The following PLAC8L1 variants were observed in gnomAD, a reference collection of about 807,000 sequenced individuals.
The protein encoded by PLAC8L1 is PLAC8-like protein 1.
A neutral mutation model predicts 16.3 loss-of-function variants in PLAC8L1; 13 were observed. The ratio of observed to expected loss-of-function variants is 0.80; its 90% CI spans 0.52 to 1.27. The LOEUF (loss-of-function observed/expected upper bound fraction) is 1.27, where lower values mean the gene tolerates loss of function less well. Among genes scored for constraint, PLAC8L1 ranks in the 50% most tolerant of loss-of-function variants. PLAC8L1 has a pLI of 0.00. For synonymous variants in PLAC8L1, 78 were observed against 79.3 expected (o/e 0.98, Z 0.09); for missense variants, 184 against 220.2 (o/e 0.84, Z 1.04).
intron 2 of PLAC8L1, among the ~76,000 whole-genome samples, chr5:146,096,910 A>C (rs1296124593): frequency 6.6e-6 from 1 of 152,226 alleles, no homozygotes; most frequent in East Asian, 1.9e-4. Flanking sequence ...GAGACTTGCC[A>C]AACTATGGGT....
At chr5:146,087,468 AT>A (rs1763536258) in intron 2 of PLAC8L1, among the ~76,000 whole-genome samples, 1 of 152,200 alleles carries the variant, frequency 6.6e-6, no homozygotes, top group Admixed American at 6.5e-5. Flanking sequence ...TATTTGTACC[AT>A]TTTAAACTCC....
intron 2 of PLAC8L1, among the ~76,000 whole-genome samples, chr5:146,095,934 T>C (rs904399528): frequency 6.6e-6 from 1 of 152,230 alleles, no homozygotes; most frequent in African/African-American, 2.4e-5. Flanking sequence ...CCGGGAGCTA[T>C]CCCATGGCCT....
chr5:146,099,846 C>T (rs1281101947), intron 1 of PLAC8L1, among the ~76,000 whole-genome samples: 1 of 152,070 alleles, frequency 6.6e-6, no homozygotes, highest in Non-Finnish European at 1.5e-5. Flanking sequence ...AATGGAATTT[C>T]ATGGTATTAT....
At chr5:146,096,739 C>T (rs796146936) in intron 2 of PLAC8L1, among the ~76,000 whole-genome samples, 12 of 152,272 alleles carry the variant, frequency 7.9e-5, no homozygotes, top group African/African-American at 2.9e-4. Context: ...GGGGCCAGAT[C>T]TGCACATTTG....
chr5:146,100,572 CAA>C (rs1341202337), intron 1 of PLAC8L1, among the ~76,000 whole-genome samples: 5 of 151,856 alleles, frequency 3.3e-5, no homozygotes, highest in Admixed American at 6.6e-5. Context: ...TCTCATTTTG[CAA>C]AAATTCCCAA....
rs1239246637 is a variant in PLAC8L1, at chr5:146,104,362, T to A, written c.-51A>T. The A allele has an allele frequency of 1.4e-6, 2 of 1,422,980 alleles. No homozygotes were observed. The highest frequency in any genetic ancestry group is 2.0e-6 in the Non-Finnish European group (2 of 1,008,532). 88.1% of individuals were successfully genotyped at this position (1,422,980 alleles called of 1,614,324 possible). On this transcript the variant is annotated 5_prime_UTR_variant, in exon 1 of 4. Coordinates refer to ENST00000311450, the MANE Select transcript of PLAC8L1 (RefSeq NM_001029869.3). ...GGGCTATCCTTTTTCCCTTTGGCAA[T>A]AAGCTGGTTTCTAAACTTCGGATTA...
intron 1 of PLAC8L1, among the ~76,000 whole-genome samples, chr5:146,102,040 C>CTTTTTTTTTTTTTT (rs36011275): frequency 4.0e-4 from 52 of 130,504 alleles, no homozygotes; most frequent in Non-Finnish European, 6.3e-4. Context: ...TGTGTTTACC[C>CTTTTTTTTTTTTTT]TTTTTTTTTT....
chr5:146,087,175 A>C (rs1763531311), intron 2 of PLAC8L1, among the ~76,000 whole-genome samples: 1 of 152,170 alleles, frequency 6.6e-6, no homozygotes, highest in South Asian at 2.1e-4. Flanking sequence ...CATGTTTTTG[A>C]TGCATCTATG....
At chr5:146,101,243 T>C (rs576583343) in intron 1 of PLAC8L1, among the ~76,000 whole-genome samples, 5 of 149,276 alleles carry the variant, frequency 3.3e-5, no homozygotes, top group African/African-American at 1.2e-4. Context: ...TAAGAGAAAT[T>C]GCTGTCTCTC....
At chr5:146,097,239 G>A (rs1028571771) in intron 2 of PLAC8L1, among the ~76,000 whole-genome samples, 4 of 152,150 alleles carry the variant, frequency 2.6e-5, no homozygotes, top group Admixed American at 2.0e-4. Flanking sequence ...AATGAGCTTT[G>A]AACTCTAAGC....
chr5:146,105,110 T>C lies in PLAC8L1; in HGVS notation c.-799A>G, dbSNP rs1304290796. Among the ~76,000 whole-genome samples, 1 of 152,122 alleles carries C rather than the reference T, an allele frequency of 6.6e-6. No homozygotes were observed. Among genetic ancestry groups the C allele is most frequent in the African/African-American group, 2.4e-5 (1 of 41,428 alleles). On this transcript the variant is annotated 5_prime_UTR_variant, in exon 1 of 4. The change creates a new upstream start codon in the 5' untranslated region. Transcript: ENST00000311450. ...TGTGGACCCTAGAAATATTAGGAAA[T>C]ATCCTAAGACAAAAAATTAGGCAAA...
intron 2 of PLAC8L1, among the ~76,000 whole-genome samples, chr5:146,093,041 A>C (rs1763648752): frequency 6.6e-6 from 1 of 152,164 alleles, no homozygotes; most frequent in African/African-American, 2.4e-5. Flanking sequence ...ACATATAAGC[A>C]AAACATCTAG....
intron 2 of PLAC8L1, among the ~76,000 whole-genome samples, chr5:146,092,565 A>G (rs1763638832): frequency 7.6e-6 from 1 of 132,266 alleles, no homozygotes; most frequent in Non-Finnish European, 1.6e-5. Context: ...TTTTTGAGAC[A>G]GAGTCTCACT....
At chr5:146,096,285 CTTTAT>C (rs1763716922) in intron 2 of PLAC8L1, among the ~76,000 whole-genome samples, 1 of 152,102 alleles carries the variant, frequency 6.6e-6, no homozygotes, top group African/African-American at 2.4e-5. Context: ...TAAGGATTGA[CTTTAT>C]TTTAATTTGA....
intron 2 of PLAC8L1, among the ~76,000 whole-genome samples, chr5:146,090,824 G>C (rs753826092): frequency 1.1e-4 from 16 of 152,196 alleles, no homozygotes; most frequent in Non-Finnish European, 1.8e-4. Context: ...AGGCTGAAGA[G>C]GGCAGATCAC....
intron 2 of PLAC8L1, among the ~76,000 whole-genome samples, chr5:146,089,856 A>G (rs1302014741): frequency 1.3e-5 from 2 of 151,096 alleles, no homozygotes; most frequent in Admixed American, 1.3e-4. Flanking sequence ...CTCCTGCCTC[A>G]GCCTCTCGAG....
At chr5:146,097,224 G>C (rs1181205390) in intron 2 of PLAC8L1, among the ~76,000 whole-genome samples, 1 of 152,176 alleles carries the variant, frequency 6.6e-6, no homozygotes, top group East Asian at 1.9e-4. Flanking sequence ...GGTAAAAATA[G>C]AATCAATGAG....
intron 2 of PLAC8L1, among the ~76,000 whole-genome samples, chr5:146,086,186 C>T (rs969902670): frequency 3.3e-5 from 5 of 151,172 alleles, no homozygotes; most frequent in Middle Eastern, 3.4e-3. Flanking sequence ...CCCGCCACTA[C>T]GCCCGGCTAA....
rs767730756 is a variant in PLAC8L1 at position 146,084,437 on chromosome 5, C to A, written c.529G>T (p.Val177Phe). ...GAGGAGGAGTTATCTTGCTGTCAAA[C>A]CAGGGTGTCCTTAGTCATTGGGACT... ...CAVPMTKDTL[V>F] Residue 177 changes from valine (V) to phenylalanine (F), a missense_variant, in exon 4 of 4, where the codon GTT (valine) becomes TTT (phenylalanine). Transcript: ENST00000311450. 1.2e-5 allele frequency: 20 copies of A among 1,613,686 alleles called. No homozygotes were observed. In the Admixed American group the frequency reaches 1.7e-4, roughly 13 times the overall value.
Sources: allele counts gnomAD v4.1 joint callset (sites outside exome capture counted in the v4.1 genomes callset), GRCh38; gene constraint gnomAD v4.1.1; transcripts MANE v1.5; gene names NCBI Gene and HGNC (gene_info 2026-07-23, HGNC 2026-07-21).